EXOC6B: variants seen among roughly 807,000 people sequenced by gnomAD.
EXOC6B encodes SEC15 homolog B.
EXOC6B carries 54 observed loss-of-function variants against 113.5 expected under a neutral mutation model. That is an observed-to-expected ratio of 0.48 (90% CI 0.38 to 0.60). The LOEUF (loss-of-function observed/expected upper bound fraction) is 0.60, where lower values mean the gene tolerates loss of function less well. EXOC6B is among the 20% of genes least tolerant of loss of function. The pLI is 0.00. For synonymous variants in EXOC6B, 357 were observed against 339.0 expected (o/e 1.05, Z -0.58); for missense variants, 797 against 977.5 (o/e 0.82, Z 2.46).
chr2:72,205,502 T>A (rs561869759), intron 20 of EXOC6B, among the ~76,000 whole-genome samples: 2 of 152,198 alleles, frequency 1.3e-5, no homozygotes, highest in South Asian at 4.1e-4. Context: ...CAGGGAATGC[T>A]CTATTTAATC....
chr2:72,762,166 C>T (rs1354492085), intron 1 of EXOC6B, among the ~76,000 whole-genome samples: 1 of 150,590 alleles, frequency 6.6e-6, no homozygotes, highest in Non-Finnish European at 1.5e-5. Context: ...ATCACTTTAA[C>T]TGGGGAAGCA....
chr2:72,564,766 G>A (rs1478638017), intron 7 of EXOC6B, among the ~76,000 whole-genome samples: 1 of 152,114 alleles, frequency 6.6e-6, no homozygotes, highest in Non-Finnish European at 1.5e-5. Context: ...ATAATTTTAA[G>A]TGACTAGAAT....
intron 6 of EXOC6B, among the ~76,000 whole-genome samples, chr2:72,593,609 A>T (rs960153825): frequency 6.6e-6 from 1 of 151,296 alleles, no homozygotes; most frequent in African/African-American, 2.4e-5. Context: ...CTCAAAGGAG[A>T]TAAGACAAGA....
chr2:72,320,057 G>A (rs1000069519), intron 20 of EXOC6B, among the ~76,000 whole-genome samples: 4 of 151,662 alleles, frequency 2.6e-5, no homozygotes, highest in Non-Finnish European at 4.4e-5. Flanking sequence ...GGATGGTCTC[G>A]ATCTCCTGAC....
At chr2:72,559,399 A>C (rs7559956) in intron 8 of EXOC6B, 54 bp downstream of exon 8, 190,669 of 1,297,458 alleles carry the variant, frequency 0.15, 15,475 homozygotes, top group Non-Finnish European at 0.17. Context: ...TTGAGAGAGC[A>C]AAGTTTTGAA....
chr2:72,395,260 C>T (rs888607331), intron 18 of EXOC6B, among the ~76,000 whole-genome samples: 4 of 152,034 alleles, frequency 2.6e-5, no homozygotes, highest in Non-Finnish European at 5.9e-5. Flanking sequence ...ACACCACAGC[C>T]ATAGGAGAAA....
intron 16 of EXOC6B, among the ~76,000 whole-genome samples, chr2:72,483,223 T>C (rs1158105411): frequency 6.6e-6 from 1 of 152,212 alleles, no homozygotes; most frequent in Non-Finnish European, 1.5e-5. Context: ...AATTAAATCA[T>C]TCATCTTCCT....
intron 1 of EXOC6B, among the ~76,000 whole-genome samples, chr2:72,752,332 T>TC (rs1325693902): frequency 1.2e-4 from 19 of 152,158 alleles, no homozygotes; most frequent in African/African-American, 3.9e-4. Context: ...GCAAGACTAA[T>TC]CCTATGTTCT....
chr2:72,193,414 C>G (rs1354965354), intron 20 of EXOC6B, among the ~76,000 whole-genome samples: 1 of 152,142 alleles, frequency 6.6e-6, no homozygotes, highest in African/African-American at 2.4e-5. Flanking sequence ...CCTCCTGTGT[C>G]TCCTCAGGAG....
At position 72,460,921 on chromosome 2, in the gene EXOC6B, C is replaced by T. The variant is rs1181904976; in HGVS notation, c.1980+4239G>A. Among the ~76,000 whole-genome samples the T allele has an allele frequency of 6.0e-5, 9 of 151,034 alleles. No homozygotes were observed. In the South Asian group the frequency reaches 6.3e-4, roughly 11 times the overall value. On this transcript the variant is annotated intron_variant, in intron 18 of 21. Coordinates refer to ENST00000272427, the MANE Select transcript of EXOC6B (RefSeq NM_015189.3). Reference sequence around the variant, plus strand: ...GACACATGCACACGTATGTTTATTGCGGCACTATTCACAATAGCAAAGACT... The same window carrying T: ...GACACATGCACACGTATGTTTATTGTGGCACTATTCACAATAGCAAAGACT...
chr2:72,567,952 T>C (rs1246777869), intron 7 of EXOC6B, among the ~76,000 whole-genome samples: 3 of 152,016 alleles, frequency 2.0e-5, no homozygotes, highest in Non-Finnish European at 4.4e-5. Context: ...TTCCAGAAAG[T>C]GGCATCAATG....
chr2:72,509,363 T>C (rs779083464), intron 11 of EXOC6B, among the ~76,000 whole-genome samples: 22 of 152,142 alleles, frequency 1.4e-4, no homozygotes, highest in Admixed American at 9.2e-4. Context: ...ACTAAGACAG[T>C]AGATTATCAC....
chr2:72,312,095 T>TA (rs1173625435), intron 20 of EXOC6B, among the ~76,000 whole-genome samples: 2 of 152,228 alleles, frequency 1.3e-5, no homozygotes, highest in Non-Finnish European at 2.9e-5. Context: ...CATGAACTGC[T>TA]AAATTAGCTG....
chr2:72,638,220 G>C (rs1480048461), intron 6 of EXOC6B, among the ~76,000 whole-genome samples: 1 of 152,128 alleles, frequency 6.6e-6, no homozygotes, highest in African/African-American at 2.4e-5. Context: ...AGGCTACTAT[G>C]AGCAACTATA....
At chr2:72,805,315 C>G (rs1012202339) in intron 1 of EXOC6B, among the ~76,000 whole-genome samples, 6 of 152,128 alleles carry the variant, frequency 3.9e-5, no homozygotes, top group Admixed American at 3.3e-4. Context: ...CGGACAAATT[C>G]TGGATCATGT....
intron 20 of EXOC6B, among the ~76,000 whole-genome samples, chr2:72,239,046 G>A (rs1224854666): frequency 3.9e-5 from 6 of 152,106 alleles, no homozygotes; most frequent in Admixed American, 3.3e-4. Flanking sequence ...CTACAGGTGT[G>A]CACCACTGCA....
intron 8 of EXOC6B, among the ~76,000 whole-genome samples, chr2:72,521,197 C>A (rs1701467069): frequency 6.6e-6 from 1 of 152,074 alleles, no homozygotes; most frequent in South Asian, 2.1e-4. Flanking sequence ...CAGAAGAGTT[C>A]CTCCCCTCCA....
chr2:72,290,328 A>G (rs1386583694), intron 20 of EXOC6B, among the ~76,000 whole-genome samples: 2 of 152,204 alleles, frequency 1.3e-5, no homozygotes, highest in Non-Finnish European at 2.9e-5. Flanking sequence ...AACCATGACT[A>G]ATACACTCAC....
At chr2:72,668,869 A>T (rs998777310) in intron 6 of EXOC6B, among the ~76,000 whole-genome samples, 3 of 152,146 alleles carry the variant, frequency 2.0e-5, no homozygotes, top group African/African-American at 7.2e-5. Context: ...TCTCAGAATG[A>T]CGCAATATAC....
Sources: allele counts gnomAD v4.1 joint callset (sites outside exome capture counted in the v4.1 genomes callset), GRCh38; gene constraint gnomAD v4.1.1; transcripts MANE v1.5; gene names NCBI Gene and HGNC (gene_info 2026-07-23, HGNC 2026-07-21).